Variants in FHIT observed in about 807,000 individuals in gnomAD.
The protein encoded by FHIT is fragile histidine triad diadenosine triphosphatase, also known as bis(5'-adenosyl)-triphosphatase.
In FHIT, 19 loss-of-function variants were observed where a neutral mutation model predicts 17.9. That is an observed-to-expected ratio of 1.06 (90% confidence interval 0.74 to 1.56). FHIT has a LOEUF of 1.56. Among genes scored for constraint, FHIT ranks in the 40% most tolerant of loss-of-function variants. The probability of loss-of-function intolerance (pLI) is 0.00; values close to 1 mark genes in which losing one functional copy is unlikely to be tolerated. For synonymous variants in FHIT, 81 were observed against 69.7 expected (o/e 1.16, Z -0.81); for missense variants, 248 against 189.2 (o/e 1.31, Z -1.82).
At chr3:60,844,624 A>G (rs1219878231) in intron 3 of FHIT, among the ~76,000 whole-genome samples, 1 of 152,148 alleles carries the variant, frequency 6.6e-6, no homozygotes, top group African/African-American at 2.4e-5. Context: ...GTGAAAGTGC[A>G]AAGGTAGCTA....
At position 59,869,484 on chromosome 3, in the gene FHIT, C is replaced by CTTTTTTTTT. The variant is rs59589849; in HGVS notation, c.348+52853_348+52861dup. Among the ~76,000 whole-genome samples the CTTTTTTTTT allele has an allele frequency of 3.5e-4, 37 of 105,452 alleles. 4 individuals are homozygous for CTTTTTTTTT. Among genetic ancestry groups the CTTTTTTTTT allele is most frequent in the Non-Finnish European group, 2.8e-4 (15 of 54,388 alleles). 69.2% of individuals were successfully genotyped at this position (105,452 alleles called of 152,430 possible). On this transcript the variant is annotated intron_variant, in intron 8 of 9. Coordinates refer to ENST00000492590, the MANE Select transcript of FHIT (RefSeq NM_002012.4). ...ATTCCATCTTTCCTTAAAGAACATCCTTTTTTTTTTTTTTTTAGACAGAGT... is the reference window on the plus strand; with the variant it reads ...ATTCCATCTTTCCTTAAAGAACATCCTTTTTTTTTTTTTTTTTTTTTTTTTAGACAGAGT...
intron 5 of FHIT, among the ~76,000 whole-genome samples, chr3:60,111,396 T>A (rs772911102): frequency 6.6e-6 from 1 of 152,106 alleles, no homozygotes; most frequent in Admixed American, 6.5e-5. Context: ...AGTTAAAGAA[T>A]AACAACAAAA....
chr3:60,419,097 A>G (rs1702377173), intron 5 of FHIT, among the ~76,000 whole-genome samples: 1 of 152,174 alleles, frequency 6.6e-6, no homozygotes, highest in Admixed American at 6.5e-5. Context: ...GGTTTGGAAC[A>G]TGTGCCGTGC....
intron 4 of FHIT, among the ~76,000 whole-genome samples, chr3:60,697,157 A>G (rs1341552545): frequency 6.6e-6 from 1 of 152,194 alleles, no homozygotes; most frequent in African/African-American, 2.4e-5. Context: ...CAATTTATAT[A>G]AAATTTAAAA....
intron 5 of FHIT, among the ~76,000 whole-genome samples, chr3:60,485,060 C>T (rs1405188512): frequency 1.3e-5 from 2 of 152,190 alleles, no homozygotes; most frequent in Non-Finnish European, 2.9e-5. Flanking sequence ...AAAAGCTCAA[C>T]ATCACTGATC....
chr3:60,472,148 C>CA (rs1176436790), intron 5 of FHIT, among the ~76,000 whole-genome samples: 1 of 119,610 alleles, frequency 8.4e-6, no homozygotes, highest in African/African-American at 4.0e-5. Flanking sequence ...TCTCAGTCTA[C>CA]TTTTTTGTTA....
intron 2 of FHIT, chr3:61,165,516 A>C (rs2037811408): frequency 6.6e-6 from 1 of 152,194 alleles, no homozygotes; most frequent in East Asian, 1.9e-4. Context: ...AAAAATTTTG[A>C]GTAATGTCTA....
chr3:61,091,552 C>T (rs1419846682), intron 2 of FHIT, among the ~76,000 whole-genome samples: 3 of 152,080 alleles, frequency 2.0e-5, no homozygotes, highest in African/African-American at 7.2e-5. Context: ...TGGGGTCAAG[C>T]AACGCAGATC....
At chr3:60,429,585 G>C (rs903503455) in intron 5 of FHIT, among the ~76,000 whole-genome samples, 1 of 151,950 alleles carries the variant, frequency 6.6e-6, no homozygotes, top group Non-Finnish European at 1.5e-5. Flanking sequence ...AACATGGCCC[G>C]GCCCTGTTTA....
chr3:60,401,732 C>T (rs940729851), intron 5 of FHIT, among the ~76,000 whole-genome samples: 1 of 152,166 alleles, frequency 6.6e-6, no homozygotes, highest in African/African-American at 2.4e-5. Flanking sequence ...GGACCCCTGA[C>T]TATAAGTCAA....
chr3:60,559,087 G>A (rs374726615), intron 4 of FHIT, among the ~76,000 whole-genome samples: 5 of 152,112 alleles, frequency 3.3e-5, no homozygotes, highest in African/African-American at 1.2e-4. Flanking sequence ...CAACTTCCAT[G>A]GGAACATTCT....
intron 5 of FHIT, among the ~76,000 whole-genome samples, chr3:60,300,631 T>G (rs1708419727): frequency 6.6e-6 from 1 of 152,082 alleles, no homozygotes; most frequent in Non-Finnish European, 1.5e-5. Flanking sequence ...AGTCAAGATA[T>G]AAATAAAGGG....
intron 4 of FHIT, among the ~76,000 whole-genome samples, chr3:60,585,653 T>C (rs555954590): frequency 1.3e-5 from 2 of 151,914 alleles, no homozygotes; most frequent in Non-Finnish European, 2.9e-5. Context: ...AAGTTAACAT[T>C]TCACTATGTA....
chr3:60,437,098 A>T (rs1192798268), intron 5 of FHIT, among the ~76,000 whole-genome samples: 1 of 152,146 alleles, frequency 6.6e-6, no homozygotes, highest in Non-Finnish European at 1.5e-5. Context: ...TAAAACCTAA[A>T]GTTTAGTACA....
At chr3:60,293,730 C>T (rs556394460) in intron 5 of FHIT, among the ~76,000 whole-genome samples, 1 of 152,084 alleles carries the variant, frequency 6.6e-6, no homozygotes, top group Non-Finnish European at 1.5e-5. Context: ...CAACAGTGCC[C>T]ACTGGACAAA....
chr3:60,231,763 T>C (rs545798965), intron 5 of FHIT, among the ~76,000 whole-genome samples: 3 of 152,312 alleles, frequency 2.0e-5, no homozygotes, highest in South Asian at 4.1e-4. Context: ...ATGTGTAAAA[T>C]TGGCTAGGCT....
At chr3:59,921,380 C>A (rs1390095931) in intron 8 of FHIT, among the ~76,000 whole-genome samples, 1 of 152,248 alleles carries the variant, frequency 6.6e-6, no homozygotes, top group East Asian at 1.9e-4. Flanking sequence ...TTGATAGAGC[C>A]ACATGATAAA....
At chr3:60,894,077 C>T (rs1173769924) in intron 3 of FHIT, among the ~76,000 whole-genome samples, 1 of 152,206 alleles carries the variant, frequency 6.6e-6, no homozygotes, top group South Asian at 2.1e-4. Context: ...TCACTAACTA[C>T]ATCAAACATT....
intron 8 of FHIT, among the ~76,000 whole-genome samples, chr3:59,896,881 T>C (rs1468745149): frequency 6.6e-6 from 1 of 152,166 alleles, no homozygotes; most frequent in Non-Finnish European, 1.5e-5. Context: ...TGTTGCTTTT[T>C]TTGGACCACG....
Sources: allele counts gnomAD v4.1 joint callset (sites outside exome capture counted in the v4.1 genomes callset), GRCh38; gene constraint gnomAD v4.1.1; transcripts MANE v1.5; gene names NCBI Gene and HGNC (gene_info 2026-07-23, HGNC 2026-07-21).